C9: variants seen among roughly 807,000 people sequenced by gnomAD.
C9 encodes the protein complement C9.
In C9, 63 loss-of-function variants were observed where a neutral mutation model predicts 65.4. That is an observed-to-expected ratio of 0.96 (90% confidence interval 0.79 to 1.19). The LOEUF (loss-of-function observed/expected upper bound fraction) is 1.19, where lower values mean the gene tolerates loss of function less well. C9 is among the 50% of genes most tolerant of loss of function. C9 has a pLI of 0.00. For missense variants in C9, 744 were observed against 670.1 expected (o/e 1.11, Z -1.22); for synonymous variants, 229 against 227.9 (o/e 1.00, Z -0.04).
intron 4 of C9, among the ~76,000 whole-genome samples, chr5:39,338,442 T>C (rs375808358): frequency 6.6e-6 from 1 of 152,212 alleles, no homozygotes; most frequent in South Asian, 2.1e-4. Context: ...TCAGTTCTTA[T>C]CTATAAAATG....
chr5:39,348,024 A>G (rs747690302), intron 1 of C9, among the ~76,000 whole-genome samples: 130 of 150,868 alleles, frequency 8.6e-4, no homozygotes, highest in Non-Finnish European at 1.7e-3. Flanking sequence ...TTAATTCAAG[A>G]TGGATTAAAG....
At position 39,284,926 on chromosome 5, in the gene C9, G is replaced by T; in HGVS notation, c.*273C>A. On this transcript the variant is annotated 3_prime_UTR_variant, in exon 11 of 11. Coordinates refer to ENST00000263408, the MANE Select transcript of C9 (RefSeq NM_001737.5). ...TTTAATTTAATTTTGTTTTTTTTTA[G>T]AAGAGATTGGCATTTTCCGTGGGAT... The T allele has an allele frequency of 7.2e-6, 3 of 419,154 alleles. No homozygotes were observed. The highest frequency in any genetic ancestry group is 1.3e-5 in the Non-Finnish European group (3 of 233,348). 26.0% of individuals were successfully genotyped at this position (419,154 alleles called of 1,614,324 possible).
At chr5:39,359,334 A>G (rs940356952) in intron 1 of C9, among the ~76,000 whole-genome samples, 6 of 151,812 alleles carry the variant, frequency 4.0e-5, no homozygotes, top group South Asian at 2.1e-4. Context: ...TGACTAAGCA[A>G]TTGGTCACTG....
At chr5:39,330,704 A>AT (rs1488136220) in intron 5 of C9, among the ~76,000 whole-genome samples, 1 of 151,860 alleles carries the variant, frequency 6.6e-6, no homozygotes, top group Non-Finnish European at 1.5e-5. Flanking sequence ...ATTTCCTCAG[A>AT]TTTTTTGGCA....
chr5:39,315,831 AC>A lies in C9; in HGVS notation c.813del (p.Ser273HisfsTer25). 1 of 1,609,116 alleles carries A rather than the reference AC, an allele frequency of 6.2e-7. No homozygotes were observed. The highest frequency in any genetic ancestry group is 8.5e-7 in the Non-Finnish European group (1 of 1,175,626). ...SISLHGKGSF[R>X]FSYSKNETYQ... ...TAAGTTTCATTTTTGGAATATGAAA[AC>A]CGAAAACTACCCTTGCCATGTAAAG... On this transcript the variant is annotated frameshift_variant, in exon 6 of 11. Coordinates refer to ENST00000263408, the MANE Select transcript of C9 (RefSeq NM_001737.5). LOFTEE classifies it high-confidence loss of function.
intron 9 of C9, among the ~76,000 whole-genome samples, chr5:39,299,929 G>A (rs1207918516): frequency 6.6e-6 from 1 of 152,050 alleles, no homozygotes; most frequent in Non-Finnish European, 1.5e-5. Context: ...CTATACCTCT[G>A]ATAAAGACTC....
In C9 at chr5:39,331,766, C is replaced by A. The variant is rs948120270; in HGVS notation, c.525G>T (p.Glu175Asp). Residue 175 changes from glutamate to aspartate, a missense_variant, in exon 5 of 11, where the codon GAG becomes GAT. Physicochemically the swap from Glu to Asp is conservative, Grantham distance 45. Transcript: ENST00000263408. ...CCCGGTTACAGAGTCCATTGTAGAA[C>A]TCATTGTCAAAAGGTGTGCTTAGGG... ...MDPLSTPFDN[E>D]FYNGLCNRDR... is the part of the protein sequence containing the mutation. 6.2e-7 allele frequency: 1 copy of A among 1,612,900 alleles called. No homozygotes were observed. Among genetic ancestry groups the A allele is most frequent in the South Asian group, 1.1e-5 (1 of 91,066 alleles).
At chr5:39,326,319 C>T (rs770091236) in intron 5 of C9, among the ~76,000 whole-genome samples, 2 of 152,202 alleles carry the variant, frequency 1.3e-5, no homozygotes, top group Non-Finnish European at 2.9e-5. Flanking sequence ...ATATGCTATA[C>T]TGTCTCCAAT....
At chr5:39,340,678 A>T (rs1463692767) in intron 4 of C9, among the ~76,000 whole-genome samples, 1 of 152,188 alleles carries the variant, frequency 6.6e-6, no homozygotes. Context: ...TCCTCTGATC[A>T]CATTCCTCCT....
chr5:39,285,802 G>T (rs535875204), intron 10 of C9, among the ~76,000 whole-genome samples: 1 of 151,918 alleles, frequency 6.6e-6, no homozygotes, highest in African/African-American at 2.4e-5. Flanking sequence ...AGGAATAAGG[G>T]AGAAGGAGGT....
At chr5:39,293,779 A>C (rs1242817075) in intron 9 of C9, among the ~76,000 whole-genome samples, 1 of 151,948 alleles carries the variant, frequency 6.6e-6, no homozygotes, top group Non-Finnish European at 1.5e-5. Flanking sequence ...TGCGTGGAAC[A>C]TTTTCCAAGA....
At chr5:39,295,471 A>G (rs10051707) in intron 9 of C9, among the ~76,000 whole-genome samples, 3,368 of 151,876 alleles carry the variant, frequency 0.022, 112 homozygotes, top group African/African-American at 0.077. Flanking sequence ...GCTACAAAAG[A>G]AGATACTGAG....
Position 39,311,370 on chromosome 5 carries a change from A to G in C9, c.878T>C (p.Met293Thr). 1 of 1,612,086 alleles carries G rather than the reference A, an allele frequency of 6.2e-7. No homozygotes were observed. Among genetic ancestry groups the G allele is most frequent in the Non-Finnish European group, 8.5e-7 (1 of 1,179,070 alleles). ...FLSYSSKKEK[M>T]FLHVKGEIHL... is the part of the protein sequence containing the mutation. Reference sequence around the variant, plus strand: ...AATTTCTCCTTTCACATGCAGAAACATTTTTTCCTGTGTTGTAGAGCAGAT... The same window carrying G: ...AATTTCTCCTTTCACATGCAGAAACGTTTTTTCCTGTGTTGTAGAGCAGAT... Residue 293 changes from methionine (M) to threonine (T), a missense_variant, in exon 7 of 11, where the codon ATG (methionine) becomes ACG (threonine). Met to Thr is a moderately conservative substitution (Grantham distance 81). Coordinates refer to ENST00000263408, the MANE Select transcript of C9 (RefSeq NM_001737.5).
At chr5:39,337,190 A>G (rs1477099284) in intron 4 of C9, among the ~76,000 whole-genome samples, 1 of 152,230 alleles carries the variant, frequency 6.6e-6, no homozygotes, top group Non-Finnish European at 1.5e-5. Flanking sequence ...TAGCTTAGCT[A>G]CATAATTAAT....
intron 6 of C9, 123 bp from the exon 7 acceptor site, chr5:39,311,500 T>A: frequency 1.2e-6 from 1 of 853,864 alleles, no homozygotes; most frequent in South Asian, 1.4e-5. Context: ...GAGATACCAC[T>A]CTAATCCACC....
At chr5:39,288,356 C>T (rs1561329945) in intron 10 of C9, among the ~76,000 whole-genome samples, 1 of 151,584 alleles carries the variant, frequency 6.6e-6, no homozygotes, top group South Asian at 2.1e-4. Context: ...TACGTCTATA[C>T]ACATAAACAC....
intron 5 of C9, among the ~76,000 whole-genome samples, chr5:39,328,759 T>G (rs1753793393): frequency 6.6e-6 from 1 of 152,072 alleles, no homozygotes; most frequent in African/African-American, 2.4e-5. Context: ...GTTAGACAAC[T>G]GTGATAAGAT....
rs2071816211 is a variant in C9, at chr5:39,284,812, A to G, written c.*387T>C. On this transcript the variant is annotated 3_prime_UTR_variant, in exon 11 of 11. Coordinates refer to ENST00000263408, the MANE Select transcript of C9 (RefSeq NM_001737.5). ...AAATAAGAGTTAAATTGCATGGTACAGACGTGTGGTCATGGACCTGGCAGA... is the reference window on the plus strand; with the variant it reads ...AAATAAGAGTTAAATTGCATGGTACGGACGTGTGGTCATGGACCTGGCAGA... 1.2e-5 allele frequency: 3 copies of G among 255,688 alleles called. No homozygotes were observed. Among genetic ancestry groups the G allele is most frequent in the Non-Finnish European group, 2.3e-5 (3 of 131,546 alleles). 15.8% of individuals were successfully genotyped at this position (255,688 alleles called of 1,614,324 possible).
rs1407613505 is a variant in C9 at position 39,359,102 on chromosome 5, G to GTGTATATATATATATATA, written c.77+5285_77+5286insTATATATATATATATACA. 1.1e-3 allele frequency among the ~76,000 whole-genome samples: 109 copies of GTGTATATATATATATATA among 103,660 alleles called. 1 individual carries two copies. The highest frequency in any genetic ancestry group is 2.0e-3 in the African/African-American group (52 of 26,534). 68.0% of individuals were successfully genotyped at this position (103,660 alleles called of 152,430 possible). A position where few individuals can be genotyped will look rare whatever the true frequency, so the allele number is the denominator to read the frequency against. On this transcript the variant is annotated intron_variant, in intron 1 of 10. Coordinates refer to ENST00000263408, the MANE Select transcript of C9 (RefSeq NM_001737.5). ...TGTATATATATATGTGTGTGTGTGTGTATATATATATATATATATATATGT... is the reference window on the plus strand; with the variant it reads ...TGTATATATATATGTGTGTGTGTGTGTGTATATATATATATATATATATATATATATATATATATATGT...
Sources: allele counts gnomAD v4.1 joint callset (sites outside exome capture counted in the v4.1 genomes callset), GRCh38; gene constraint gnomAD v4.1.1; transcripts MANE v1.5; gene names NCBI Gene and HGNC (gene_info 2026-07-23, HGNC 2026-07-21).